LUZP2: variants seen among roughly 807,000 people sequenced by gnomAD.
LUZP2 encodes leucine zipper protein 2.
LUZP2 carries 52 observed loss-of-function variants against 51.6 expected under a neutral mutation model. The ratio of observed to expected loss-of-function variants is 1.01; its 90% CI spans 0.81 to 1.27. LUZP2 has a LOEUF of 1.27. LUZP2 is among the 50% of genes most tolerant of loss of function. The pLI is 0.00. For synonymous variants in LUZP2, 154 were observed against 137.3 expected, an observed-to-expected ratio of 1.12 and a Z score of -0.85; for missense variants, 436 against 395.4, an observed-to-expected ratio of 1.10 and a Z score of -0.87.
At chr11:24,574,120 C>T (rs535259115) in intron 1 of LUZP2, among the ~76,000 whole-genome samples, 2 of 150,012 alleles carry the variant, frequency 1.3e-5, no homozygotes, top group South Asian at 2.1e-4. Context: ...TCCCTTCCTT[C>T]TTCCTTTCCT....
At chr11:25,076,181 G>T (rs951446564) in intron 10 of LUZP2, among the ~76,000 whole-genome samples, 1 of 151,886 alleles carries the variant, frequency 6.6e-6, no homozygotes. Context: ...ACCACACCCA[G>T]CTGCTTTTGT....
chr11:24,620,259 TA>T (rs140903704), intron 1 of LUZP2, among the ~76,000 whole-genome samples: 27,165 of 152,068 alleles, frequency 0.18, 2,669 homozygotes, highest in African/African-American at 0.26. Flanking sequence ...ATTTTTGCCA[TA>T]AAAATTGCAA....
chr11:24,617,544 G>A (rs1276379674), intron 1 of LUZP2, among the ~76,000 whole-genome samples: 2 of 152,176 alleles, frequency 1.3e-5, no homozygotes, highest in African/African-American at 4.8e-5. Context: ...AGTTGGGCCG[G>A]GGGCCGTGGC....
intron 7 of LUZP2, among the ~76,000 whole-genome samples, chr11:24,966,208 TGG>T (rs1855577319): frequency 6.6e-6 from 1 of 151,670 alleles, no homozygotes; most frequent in African/African-American, 2.4e-5. Context: ...TTAAAAAATG[TGG>T]TTGTTTGTAT....
chr11:25,006,515 T>C (rs575628621), intron 9 of LUZP2, among the ~76,000 whole-genome samples: 2 of 152,198 alleles, frequency 1.3e-5, no homozygotes, highest in South Asian at 2.1e-4. Context: ...CTCCAAAGAT[T>C]TGGGGGTTGT....
chr11:24,744,984 C>G (rs1463492600), intron 4 of LUZP2, among the ~76,000 whole-genome samples: 1 of 152,082 alleles, frequency 6.6e-6, no homozygotes, highest in Non-Finnish European at 1.5e-5. Flanking sequence ...CATTCAGGAG[C>G]AGGTTATTTA....
chr11:24,566,790 ATG>A (rs1852242619), intron 1 of LUZP2, among the ~76,000 whole-genome samples: 1 of 146,066 alleles, frequency 6.8e-6, no homozygotes, highest in South Asian at 2.1e-4. Context: ...CATATATATA[ATG>A]TATATATACA....
chr11:24,888,627 T>A, intron 5 of LUZP2, among the ~76,000 whole-genome samples: 1 of 152,102 alleles, frequency 6.6e-6, no homozygotes, highest in East Asian at 1.9e-4. Context: ...CCCAAAAAGT[T>A]GTAGGAATAT....
intron 7 of LUZP2, among the ~76,000 whole-genome samples, chr11:24,915,294 A>G (rs1423895585): frequency 6.6e-6 from 1 of 152,018 alleles, no homozygotes; most frequent in Non-Finnish European, 1.5e-5. Flanking sequence ...TTTGTTTTTC[A>G]TTGTCCTCTA....
At chr11:25,049,929 A>G (rs547583346) in intron 9 of LUZP2, 109 bp from the exon 10 acceptor site, 14 of 471,370 alleles carry the variant, frequency 3.0e-5, no homozygotes, top group African/African-American at 2.0e-4. Flanking sequence ...TAATGTTGCT[A>G]TAATATTATA....
chr11:24,780,525 G>A (rs1276501431), intron 5 of LUZP2, among the ~76,000 whole-genome samples: 3 of 152,228 alleles, frequency 2.0e-5, no homozygotes, highest in Middle Eastern at 3.4e-3. Flanking sequence ...AAAAACTATT[G>A]AGCAGGAAAT....
At chr11:24,793,240 G>A (rs1849454937) in intron 5 of LUZP2, among the ~76,000 whole-genome samples, 1 of 152,130 alleles carries the variant, frequency 6.6e-6, no homozygotes. Context: ...TCAAAGTTCA[G>A]CCTTAAAATA....
chr11:24,700,357 C>A (rs1191180407), intron 1 of LUZP2, among the ~76,000 whole-genome samples: 1 of 152,140 alleles, frequency 6.6e-6, no homozygotes, highest in South Asian at 2.1e-4. Flanking sequence ...AGCCACCACG[C>A]CCGGCTTATT....
At chr11:24,564,143 A>G (rs1424250812) in intron 1 of LUZP2, among the ~76,000 whole-genome samples, 2 of 152,166 alleles carry the variant, frequency 1.3e-5, no homozygotes, top group Non-Finnish European at 2.9e-5. Flanking sequence ...GTTTGAATAC[A>G]TAATCTTCCT....
intron 10 of LUZP2, among the ~76,000 whole-genome samples, chr11:25,064,027 T>G (rs1858926217): frequency 6.6e-6 from 1 of 151,712 alleles, no homozygotes; most frequent in Admixed American, 6.6e-5. Flanking sequence ...TAAACATTAT[T>G]ACTTCAACTT....
chr11:24,900,062 T>C (rs1323152885), intron 5 of LUZP2, among the ~76,000 whole-genome samples: 2 of 152,204 alleles, frequency 1.3e-5, no homozygotes, highest in Non-Finnish European at 2.9e-5. Flanking sequence ...TCCTCCTCCT[T>C]TGTCTTAAGG....
chr11:24,761,986 A>G (rs1214413155), intron 4 of LUZP2, among the ~76,000 whole-genome samples: 1 of 151,952 alleles, frequency 6.6e-6, no homozygotes, highest in Non-Finnish European at 1.5e-5. Context: ...AACTTTAATA[A>G]TAAATAATGA....
intron 1 of LUZP2, among the ~76,000 whole-genome samples, chr11:24,605,860 T>G (rs1257511702): frequency 6.8e-6 from 1 of 146,890 alleles, no homozygotes; most frequent in African/African-American, 2.7e-5. Context: ...CATATCCCCA[T>G]TTTTTTCACC....
At chr11:24,976,564 C>T (rs904472627) in intron 7 of LUZP2, 27 bp from the exon 8 acceptor site, 1 of 1,514,186 alleles carries the variant, frequency 6.6e-7, no homozygotes, top group Non-Finnish European at 8.9e-7. Flanking sequence ...CAGAATTTAT[C>T]TAGAAGATTT....
Sources: allele counts gnomAD v4.1 joint callset (sites outside exome capture counted in the v4.1 genomes callset), GRCh38; gene constraint gnomAD v4.1.1; transcripts MANE v1.5; gene names NCBI Gene and HGNC (gene_info 2026-07-23, HGNC 2026-07-21).